PSEN1: variants seen among roughly 807,000 people sequenced by gnomAD.
PSEN1 encodes presenilin-1.
PSEN1 carries 15 observed loss-of-function variants against 53.5 expected under a neutral mutation model. The ratio of observed to expected loss-of-function variants is 0.28; its 90% CI spans 0.19 to 0.43. The LOEUF is 0.43. PSEN1 is among the 20% of genes least tolerant of loss of function. The pLI, the probability that PSEN1 is intolerant of heterozygous loss-of-function variation, is 1.00. For synonymous variants in PSEN1, 208 were observed against 209.8 expected (o/e 0.99, Z 0.08); for missense variants, 387 against 571.2 (o/e 0.68, Z 3.29).
At chr14:73,203,455 G>A (rs1239183288) in intron 8 of PSEN1, among the ~76,000 whole-genome samples, 1 of 152,048 alleles carries the variant, frequency 6.6e-6, no homozygotes, top group African/African-American at 2.4e-5. Flanking sequence ...TTAACAGAAT[G>A]TAAGAAAACC....
chr14:73,167,128 A>G (rs1032072422), intron 3 of PSEN1, among the ~76,000 whole-genome samples: 2 of 126,010 alleles, frequency 1.6e-5, no homozygotes, highest in Non-Finnish European at 3.2e-5. Flanking sequence ...GAGGCTGGAA[A>G]GCCCAAGAGT....
chr14:73,213,967 T>G (rs1315445752), intron 10 of PSEN1, among the ~76,000 whole-genome samples: 2 of 152,168 alleles, frequency 1.3e-5, no homozygotes, highest in African/African-American at 4.8e-5. Flanking sequence ...GACCCGGTAA[T>G]TCTACTCCTA....
intron 4 of PSEN1, among the ~76,000 whole-genome samples, chr14:73,171,320 C>T (rs1897884259): frequency 6.6e-6 from 1 of 152,204 alleles, no homozygotes; most frequent in Non-Finnish European, 1.5e-5. Flanking sequence ...TTTTCCACCT[C>T]AGGGCCATTG....
At chr14:73,213,073 T>C (rs980828836) in intron 10 of PSEN1, among the ~76,000 whole-genome samples, 2 of 152,218 alleles carry the variant, frequency 1.3e-5, no homozygotes, top group African/African-American at 4.8e-5. Flanking sequence ...TCACTGGGCA[T>C]GTTCATGACT....
chr14:73,148,703 C>T (rs1233993011), intron 3 of PSEN1, among the ~76,000 whole-genome samples: 5 of 152,128 alleles, frequency 3.3e-5, no homozygotes, highest in Non-Finnish European at 5.9e-5. Flanking sequence ...GAGGCTGAGG[C>T]GGGCAGATCA....
intron 10 of PSEN1, among the ~76,000 whole-genome samples, chr14:73,215,763 A>G (rs1899888790): frequency 6.6e-6 from 1 of 152,244 alleles, no homozygotes; most frequent in Non-Finnish European, 1.5e-5. Flanking sequence ...AACATCATTA[A>G]TCAGAGTGGC....
chr14:73,185,390 G>C (rs1281057859), intron 5 of PSEN1, among the ~76,000 whole-genome samples: 1 of 152,228 alleles, frequency 6.6e-6, no homozygotes, highest in African/African-American at 2.4e-5. Context: ...GATCACTTGC[G>C]GTTAGGGGCT....
intron 8 of PSEN1, among the ~76,000 whole-genome samples, chr14:73,204,267 G>T (rs1247039903): frequency 6.7e-6 from 1 of 150,288 alleles, no homozygotes; most frequent in Admixed American, 6.6e-5. Flanking sequence ...CAAAGTGCTG[G>T]GATTACAGGT....
intron 3 of PSEN1, among the ~76,000 whole-genome samples, chr14:73,153,359 C>T (rs1450514599): frequency 6.6e-6 from 1 of 152,124 alleles, no homozygotes. Flanking sequence ...AACATAACAG[C>T]CCCATAAGTG....
intron 5 of PSEN1, chr14:73,173,947 C>G (rs1897969937): frequency 1.6e-6 from 1 of 614,748 alleles, no homozygotes; most frequent in Non-Finnish European, 2.9e-6. Context: ...CCCAGGAGTT[C>G]ACAAGCAGCT....
At chr14:73,201,075 T>TTTTA (rs79362212) in intron 8 of PSEN1, among the ~76,000 whole-genome samples, 13 of 150,838 alleles carry the variant, frequency 8.6e-5, no homozygotes, top group South Asian at 2.1e-4. Flanking sequence ...GAGAATATCT[T>TTTTA]TTTGTTTGTT....
At chr14:73,165,900 A>G (rs999467239) in intron 3 of PSEN1, among the ~76,000 whole-genome samples, 25 of 152,026 alleles carry the variant, frequency 1.6e-4, no homozygotes, top group African/African-American at 5.8e-4. Context: ...TACTAAAAAT[A>G]CAAACATTAA....
intron 11 of PSEN1, 72 bp downstream of exon 11, chr14:73,217,316 C>T: frequency 6.3e-7 from 1 of 1,575,452 alleles, no homozygotes; most frequent in Non-Finnish European, 8.7e-7. Context: ...CCCTTTAAGG[C>T]AGTTCTGTTT....
chr14:73,206,832 A>G (rs1453419406), intron 9 of PSEN1, among the ~76,000 whole-genome samples: 1 of 152,216 alleles, frequency 6.6e-6, no homozygotes, highest in Non-Finnish European at 1.5e-5. Flanking sequence ...AGAATCTCCT[A>G]AAAGAAACAA....
At chr14:73,185,580 C>A (rs879714918) in intron 5 of PSEN1, among the ~76,000 whole-genome samples, 10 of 151,640 alleles carry the variant, frequency 6.6e-5, no homozygotes, top group Non-Finnish European at 1.5e-4. Flanking sequence ...GAGAGGGAGA[C>A]CGTGGAAAGA....
chr14:73,179,447 T>C (rs8023183), intron 5 of PSEN1, among the ~76,000 whole-genome samples: 2,254 of 152,224 alleles, frequency 0.015, 45 homozygotes, highest in African/African-American at 0.049. Flanking sequence ...TGAAAACCTG[T>C]CTCTACTAAA....
intron 6 of PSEN1, among the ~76,000 whole-genome samples, chr14:73,187,737 G>A (rs1898567799): frequency 1.3e-5 from 2 of 152,036 alleles, no homozygotes. Flanking sequence ...AAACCTTTAA[G>A]GAATGGTAAC....
intron 3 of PSEN1, among the ~76,000 whole-genome samples, chr14:73,164,764 C>T (rs185914980): frequency 6.8e-4 from 103 of 152,348 alleles, no homozygotes; most frequent in African/African-American, 2.3e-3. Context: ...AAATTTCACA[C>T]ACTATGATTT....
chr14:73,220,708 C>T lies in PSEN1; in HGVS notation c.*1419C>T, dbSNP rs1472473816. 2 of 152,210 alleles carry T rather than the reference C, an allele frequency of 1.3e-5. No individual in the cohort carries two copies. The highest frequency in any genetic ancestry group is 2.4e-5 in the African/African-American group (1 of 41,426). The allele number at this position is 152,210 out of a possible 1,614,324, so 9.4% of individuals were successfully genotyped here. ...ATGGGTGCTTTGTGGTCTCTGCCCG[C>T]GTTACCTTTCCTCTCAATGTACCTT... On this transcript the variant is annotated 3_prime_UTR_variant, in exon 12 of 12. Coordinates refer to ENST00000324501, the MANE Select transcript of PSEN1 (RefSeq NM_000021.4).
Sources: allele counts gnomAD v4.1 joint callset (sites outside exome capture counted in the v4.1 genomes callset), GRCh38; gene constraint gnomAD v4.1.1; transcripts MANE v1.5; gene names NCBI Gene and HGNC (gene_info 2026-07-23, HGNC 2026-07-21).